Variants in KCNK1 observed in about 807,000 individuals in gnomAD.
KCNK1 encodes potassium two pore domain channel subfamily K member 1.
In KCNK1, 10 loss-of-function variants were observed where a neutral mutation model predicts 22.2. The observed-to-expected ratio is 0.45, with a 90% CI of 0.28 to 0.76. The LOEUF is 0.76. KCNK1 is among the 30% of genes least tolerant of loss of function. The pLI is 0.14. For synonymous variants in KCNK1, 200 were observed against 186.4 expected (o/e 1.07, Z -0.60); for missense variants, 378 against 421.0 (o/e 0.90, Z 0.89).
intron 1 of KCNK1, among the ~76,000 whole-genome samples, chr1:233,619,643 G>A (rs965627788): frequency 6.6e-6 from 1 of 152,042 alleles, no homozygotes; most frequent in African/African-American, 2.4e-5. Flanking sequence ...CAGACACGGT[G>A]GCTTATGCCT....
chr1:233,655,917 C>A (rs769485542), intron 1 of KCNK1: 1 of 150,792 alleles, frequency 6.6e-6, no homozygotes, highest in Non-Finnish European at 1.5e-5. Flanking sequence ...AAAAAAAAAA[C>A]GGCTCCAATG....
intron 1 of KCNK1, among the ~76,000 whole-genome samples, chr1:233,650,217 G>A (rs1356504085): frequency 1.3e-5 from 2 of 152,276 alleles, no homozygotes; most frequent in East Asian, 3.9e-4. Flanking sequence ...TGCAATGAGG[G>A]GAGTAAGAAT....
chr1:233,671,644 T>G lies in KCNK1; in HGVS notation c.*114T>G. On this transcript the variant is annotated 3_prime_UTR_variant, in exon 3 of 3. Coordinates refer to ENST00000366621, the MANE Select transcript of KCNK1 (RefSeq NM_002245.4). ...GCGAAAATTATGTCACTTTAAGAAA[T>G]AGCTACTGTTTGCAATGTCTTATTA... The G allele has an allele frequency of 1.6e-6, 2 of 1,218,336 alleles. No homozygotes were observed. Among genetic ancestry groups the G allele is most frequent in the Non-Finnish European group, 2.3e-6 (2 of 868,122 alleles). 75.5% of individuals were successfully genotyped at this position (1,218,336 alleles called of 1,614,324 possible). A position where few individuals can be genotyped will look rare whatever the true frequency, so the allele number is the denominator to read the frequency against.
chr1:233,656,092 C>T (rs573298474), intron 1 of KCNK1, among the ~76,000 whole-genome samples: 9 of 152,252 alleles, frequency 5.9e-5, no homozygotes, highest in African/African-American at 2.2e-4. Context: ...ATGTTGACAC[C>T]TCTGCATTCA....
chr1:233,667,060 T>TATTTA, intron 2 of KCNK1, 70 bp downstream of exon 2: 1 of 1,227,930 alleles, frequency 8.1e-7, no homozygotes, highest in Non-Finnish European at 1.1e-6. Context: ...TTTATTTATT[T>TATTTA]TGAGCCCAGC....
At chr1:233,653,776 G>C (rs1286614623) in intron 1 of KCNK1, among the ~76,000 whole-genome samples, 2 of 151,946 alleles carry the variant, frequency 1.3e-5, no homozygotes, top group African/African-American at 2.4e-5. Context: ...GGACTTGCTG[G>C]CTTCCGTAAT....
intron 1 of KCNK1, 55 bp from the exon 2 acceptor site, chr1:233,666,540 G>A (rs1045541847): frequency 1.3e-6 from 2 of 1,520,434 alleles, no homozygotes; most frequent in Non-Finnish European, 1.8e-6. Context: ...GTTTAAAAAC[G>A]TGTTTGCCAC....
intron 1 of KCNK1, among the ~76,000 whole-genome samples, chr1:233,649,179 CAA>C (rs1223578647): frequency 2.0e-5 from 3 of 152,162 alleles, no homozygotes; most frequent in African/African-American, 4.8e-5. Flanking sequence ...ACCCTAGGGA[CAA>C]AGAGTTAACA....
At position 233,640,886 on chromosome 1, in the gene KCNK1, G is replaced by A. The variant is rs530718595; in HGVS notation, c.356-25709G>A. On this transcript the variant is annotated intron_variant, in intron 1 of 2. Coordinates refer to ENST00000366621, the MANE Select transcript of KCNK1 (RefSeq NM_002245.4). ...CACCCAACTAATTGTTGTGTTTTTA[G>A]TAGAAACGGGGTTTTGCCATGTTGG... Among the ~76,000 whole-genome samples, 18 of 152,226 alleles carry A rather than the reference G, an allele frequency of 1.2e-4. No homozygotes were observed. In the East Asian group the frequency reaches 3.5e-3, roughly 29 times the overall value.
At chr1:233,647,780 C>T (rs1658124003) in intron 1 of KCNK1, among the ~76,000 whole-genome samples, 1 of 152,202 alleles carries the variant, frequency 6.6e-6, no homozygotes, top group Non-Finnish European at 1.5e-5. Flanking sequence ...GCACTGCACA[C>T]CAGGAACAGG....
chr1:233,628,032 A>G (rs1482622848), intron 1 of KCNK1, among the ~76,000 whole-genome samples: 1 of 152,212 alleles, frequency 6.6e-6, no homozygotes, highest in Non-Finnish European at 1.5e-5. Context: ...ATCTCTACCC[A>G]GATGTCTGGG....
intron 1 of KCNK1, among the ~76,000 whole-genome samples, chr1:233,646,546 T>C (rs780053288): frequency 3.6e-4 from 54 of 151,832 alleles, no homozygotes; most frequent in Non-Finnish European, 6.5e-4. Flanking sequence ...TTATTATTAT[T>C]ATTATTATTA....
chr1:233,672,413 T>G lies in KCNK1; in HGVS notation c.*883T>G, dbSNP rs551149502. ...TTTGCAGCCACCTAGCACTAAAGCA[T>G]AGAACTTAAACACGAATCCCTAAAT... On this transcript the variant is annotated 3_prime_UTR_variant, in exon 3 of 3. Coordinates refer to ENST00000366621, the MANE Select transcript of KCNK1 (RefSeq NM_002245.4). The G allele has an allele frequency of 6.6e-6, 1 of 151,910 alleles. No homozygotes were observed. The highest frequency in any genetic ancestry group is 2.1e-4 in the South Asian group (1 of 4,810). The allele number at this position is 151,910 out of a possible 1,614,324, so 9.4% of individuals were successfully genotyped here.
intron 1 of KCNK1, among the ~76,000 whole-genome samples, chr1:233,619,684 G>A (rs1657543920): frequency 6.6e-6 from 1 of 152,068 alleles, no homozygotes; most frequent in Non-Finnish European, 1.5e-5. Flanking sequence ...AGCCGAGGCA[G>A]GTGGATCACG....
chr1:233,659,472 G>C (rs1658354447), intron 1 of KCNK1, among the ~76,000 whole-genome samples: 1 of 150,356 alleles, frequency 6.7e-6, no homozygotes, highest in African/African-American at 2.4e-5. Context: ...CTTCAGGCAA[G>C]TCCTGTAGAA....
Position 233,614,264 on chromosome 1 carries a change from G to A in KCNK1, c.93G>A (p.Leu31=). 2 of 1,613,424 alleles carry A rather than the reference G, an allele frequency of 1.2e-6. No homozygotes were observed. Among genetic ancestry groups the A allele is most frequent in the Non-Finnish European group, 1.7e-6 (2 of 1,179,926 alleles). Residue 31 remains leucine (L), a synonymous_variant, in exon 1 of 3, where the codon TTG becomes TTA. Coordinates refer to ENST00000366621, the MANE Select transcript of KCNK1 (RefSeq NM_002245.4). ...TCGGCTTCCTGGTGCTGGGCTACTT[G>A]CTCTACCTGGTCTTCGGCGCAGTGG... ...WCFGFLVLGY[L]LYLVFGAVVF... is the part of the protein sequence containing the mutation.
At position 233,667,652 on chromosome 1, in the gene KCNK1, C is replaced by T. The variant is rs570279664; in HGVS notation, c.751+662C>T. Among the ~76,000 whole-genome samples, 38 of 147,516 alleles carry T rather than the reference C, an allele frequency of 2.6e-4. 1 individual carries two copies. The East Asian group carries it at 6.0e-3, about 23-fold the overall frequency. On this transcript the variant is annotated intron_variant, in intron 2 of 2. Coordinates refer to ENST00000366621, the MANE Select transcript of KCNK1 (RefSeq NM_002245.4). ...GGCTGAGGCAGGAGAATGGCGTGAACCCGGGAGGCGGAGCTTGCAGTGAGC... is the reference window on the plus strand; with the variant it reads ...GGCTGAGGCAGGAGAATGGCGTGAATCCGGGAGGCGGAGCTTGCAGTGAGC...
At chr1:233,667,590 C>T (rs914420739) in intron 2 of KCNK1, among the ~76,000 whole-genome samples, 37 of 151,466 alleles carry the variant, frequency 2.4e-4, no homozygotes, top group South Asian at 1.1e-3. Flanking sequence ...ATTAGCCGGG[C>T]GTGGTAGCGG....
intron 1 of KCNK1, among the ~76,000 whole-genome samples, chr1:233,656,825 C>T (rs566838739): frequency 2.4e-4 from 36 of 152,244 alleles, no homozygotes; most frequent in Admixed American, 1.0e-3. Context: ...ACTATGTTGA[C>T]TAGGGTGATC....
Sources: gnomAD v4.1 joint callset for allele counts (sites outside exome capture counted in the v4.1 genomes callset) on GRCh38, gnomAD v4.1.1 for gene constraint, MANE v1.5 for transcripts, NCBI Gene and HGNC (gene_info 2026-07-23, HGNC 2026-07-21) for gene names.